The following BBOX1 variants were observed in gnomAD, a reference collection of about 807,000 sequenced individuals.
The protein encoded by BBOX1 is gamma-butyrobetaine hydroxylase 1.
Under a neutral mutation model 41.6 loss-of-function variants are expected in BBOX1, and 35 were observed. The ratio of observed to expected loss-of-function variants is 0.84; its 90% CI spans 0.64 to 1.11. The LOEUF (loss-of-function observed/expected upper bound fraction) is 1.11, where lower values mean the gene tolerates loss of function less well. Ranked by LOEUF, BBOX1 falls within the 50% of genes most tolerant of loss-of-function variation. The pLI, the probability that BBOX1 is intolerant of heterozygous loss-of-function variation, is 0.00. For synonymous variants in BBOX1, 163 were observed against 154.7 expected, an observed-to-expected ratio of 1.05 and a Z score of -0.40; for missense variants, 458 against 460.6, an observed-to-expected ratio of 0.99 and a Z score of 0.05.
At chr11:27,065,816 TA>T (rs1857265291) in intron 4 of BBOX1, among the ~76,000 whole-genome samples, 1 of 152,052 alleles carries the variant, frequency 6.6e-6, no homozygotes, top group Non-Finnish European at 1.5e-5. Flanking sequence ...GTAAGAGGTA[TA>T]TTAATTATAT....
intron 2 of BBOX1, among the ~76,000 whole-genome samples, chr11:27,045,992 A>T (rs2133942610): frequency 6.6e-6 from 1 of 152,300 alleles, no homozygotes; most frequent in East Asian, 1.9e-4. Flanking sequence ...CACTTAATAC[A>T]TATAAACTTA....
chr11:27,126,677 CTTT>C (rs66505246), intron 8 of BBOX1, among the ~76,000 whole-genome samples: 10 of 127,804 alleles, frequency 7.8e-5, no homozygotes, highest in Non-Finnish European at 8.4e-5. Context: ...TCTTTTTTTT[CTTT>C]TTTTTTTTTT....
intron 2 of BBOX1, among the ~76,000 whole-genome samples, chr11:27,047,647 A>C (rs1851526738): frequency 6.6e-6 from 1 of 152,204 alleles, no homozygotes; most frequent in Non-Finnish European, 1.5e-5. Flanking sequence ...TCATAAAAAT[A>C]AATAAGAATA....
At chr11:27,100,777 T>C (rs949548765) in intron 5 of BBOX1, among the ~76,000 whole-genome samples, 7 of 152,112 alleles carry the variant, frequency 4.6e-5, no homozygotes, top group African/African-American at 9.7e-5. Context: ...CATGCTCTTT[T>C]AGAAATCACT....
chr11:27,113,006 A>G (rs1013721958), intron 5 of BBOX1, among the ~76,000 whole-genome samples: 1 of 152,112 alleles, frequency 6.6e-6, no homozygotes, highest in Non-Finnish European at 1.5e-5. Flanking sequence ...ATGAACAGAC[A>G]CTTTTCAAAA....
chr11:27,046,151 G>A (rs997289718), intron 2 of BBOX1: 5 of 152,010 alleles, frequency 3.3e-5, no homozygotes, highest in African/African-American at 1.2e-4. Context: ...GTTTCTTTCT[G>A]GCTCTAAAAG....
chr11:27,090,523 A>G (rs1025078870), intron 4 of BBOX1, among the ~76,000 whole-genome samples: 2 of 151,998 alleles, frequency 1.3e-5, no homozygotes, highest in African/African-American at 4.8e-5. Flanking sequence ...AAAGGGCAAA[A>G]GCAGAACTAC....
chr11:27,100,564 A>G (rs1313389967), intron 5 of BBOX1, among the ~76,000 whole-genome samples: 4 of 152,080 alleles, frequency 2.6e-5, no homozygotes, highest in Non-Finnish European at 5.9e-5. Flanking sequence ...TGTGTATTCT[A>G]GTAAGTATTA....
intron 4 of BBOX1, among the ~76,000 whole-genome samples, chr11:27,088,350 G>A (rs947492775): frequency 6.6e-6 from 1 of 151,980 alleles, no homozygotes; most frequent in Admixed American, 6.6e-5. Flanking sequence ...AACCAAAAAG[G>A]CATGGATCAC....
chr11:27,066,543 C>T (rs1372405052), intron 4 of BBOX1: 1 of 96,972 alleles, frequency 1.0e-5, no homozygotes, highest in Non-Finnish European at 2.5e-5. Flanking sequence ...TAGAATTACA[C>T]AGCGTTAGGT....
intron 2 of BBOX1, among the ~76,000 whole-genome samples, chr11:27,052,826 A>T (rs901653217): frequency 6.6e-6 from 1 of 152,106 alleles, no homozygotes; most frequent in Non-Finnish European, 1.5e-5. Context: ...TTTAGATTTT[A>T]TACTTCCGCT....
intron 5 of BBOX1, among the ~76,000 whole-genome samples, chr11:27,113,354 A>G (rs1022488555): frequency 2.6e-5 from 4 of 151,926 alleles, no homozygotes; most frequent in African/African-American, 4.8e-5. Context: ...GTATGCACGC[A>G]TATGTTCATC....
At chr11:27,086,732 G>A (rs1564972092) in intron 4 of BBOX1, among the ~76,000 whole-genome samples, 2 of 152,094 alleles carry the variant, frequency 1.3e-5, no homozygotes, top group Admixed American at 1.3e-4. Context: ...GCCACAGATA[G>A]TGTTTCCTCT....
intron 4 of BBOX1, among the ~76,000 whole-genome samples, chr11:27,061,295 A>G (rs1001224135): frequency 1.3e-5 from 2 of 152,180 alleles, no homozygotes; most frequent in Admixed American, 6.5e-5. Context: ...ACACTCAATT[A>G]AGTAGTGGAA....
intron 5 of BBOX1, among the ~76,000 whole-genome samples, chr11:27,098,566 G>C (rs1288015391): frequency 6.6e-6 from 1 of 151,972 alleles, no homozygotes; most frequent in African/African-American, 2.4e-5. Context: ...TTTTATGCTG[G>C]ACTGTAGCAA....
chr11:27,055,582 G>T lies in BBOX1; in HGVS notation c.152G>T (p.Arg51Leu), dbSNP rs187949127. ...TGCTACCTGGATTCTGCAAAAGCAC[G>T]GAAACTTCTAGTGGAAGCTCTTGAT... ...SDCYLDSAKA[R>L]KLLVEALDVN... Residue 51 changes from arginine (R) to leucine (L), a missense_variant, in exon 3 of 9, where the codon CGG (arginine) becomes CTG (leucine). Transcript: ENST00000263182. The T allele has an allele frequency of 6.2e-7, 1 of 1,614,094 alleles. No individual in the cohort carries two copies. Among genetic ancestry groups the T allele is most frequent in the South Asian group, 1.1e-5 (1 of 91,086 alleles).
At chr11:27,055,096 T>G in intron 2 of BBOX1, 1 of 205,670 alleles carries the variant, frequency 4.9e-6, no homozygotes. Context: ...TTAAAGTGCA[T>G]ATGTCATTGG....
intron 4 of BBOX1, among the ~76,000 whole-genome samples, chr11:27,069,772 A>C (rs911769825): frequency 7.2e-5 from 11 of 152,168 alleles, no homozygotes; most frequent in African/African-American, 2.6e-4. Flanking sequence ...TTTGTTATAT[A>C]TGGCCTTTAT....
chr11:27,124,414 A>G (rs1175196144), intron 7 of BBOX1, among the ~76,000 whole-genome samples: 2 of 152,194 alleles, frequency 1.3e-5, no homozygotes, highest in East Asian at 3.8e-4. Flanking sequence ...ATAAGCTACA[A>G]AAGAGTTTCC....
Sources: allele counts gnomAD v4.1 joint callset (sites outside exome capture counted in the v4.1 genomes callset), GRCh38; gene constraint gnomAD v4.1.1; transcripts MANE v1.5; gene names NCBI Gene and HGNC (gene_info 2026-07-23, HGNC 2026-07-21).